Variants in SGCZ observed in about 807,000 individuals in gnomAD.
SGCZ encodes the protein zeta-sarcoglycan.
Under a neutral mutation model 41.3 loss-of-function variants are expected in SGCZ, and 40 were observed. That is an observed-to-expected ratio of 0.97 (90% CI 0.75 to 1.26). The LOEUF is 1.26. Among genes scored for constraint, SGCZ ranks in the 50% most tolerant of loss-of-function variants. The probability of loss-of-function intolerance (pLI) is 0.00; values close to 1 mark genes in which losing one functional copy is unlikely to be tolerated. For synonymous variants in SGCZ, 206 were observed against 137.5 expected (o/e 1.50, Z -3.49); for missense variants, 552 against 369.8 (o/e 1.49, Z -4.04).
chr8:14,891,674 G>C (rs1396957888), intron 1 of SGCZ, among the ~76,000 whole-genome samples: 4 of 152,182 alleles, frequency 2.6e-5, no homozygotes, highest in Non-Finnish European at 5.9e-5. Flanking sequence ...TTTAAAAGAA[G>C]TTCTACTGTG....
At chr8:14,923,310 T>G (rs1799645985) in intron 1 of SGCZ, among the ~76,000 whole-genome samples, 1 of 152,114 alleles carries the variant, frequency 6.6e-6, no homozygotes, top group Non-Finnish European at 1.5e-5. Flanking sequence ...AGATGGAAAT[T>G]TTTTCCATTG....
intron 1 of SGCZ, among the ~76,000 whole-genome samples, chr8:14,681,762 A>G (rs1265348941): frequency 6.6e-6 from 1 of 152,138 alleles, no homozygotes; most frequent in Admixed American, 6.6e-5. Flanking sequence ...GTGAATGAAT[A>G]TCTTAGAGAG....
intron 1 of SGCZ, among the ~76,000 whole-genome samples, chr8:14,659,957 C>T (rs980351841): frequency 4.6e-5 from 7 of 152,100 alleles, no homozygotes; most frequent in Admixed American, 3.9e-4. Flanking sequence ...GGCATGTGAA[C>T]ATGAAGGCAG....
At chr8:14,854,303 A>G (rs1204355882) in intron 1 of SGCZ, among the ~76,000 whole-genome samples, 2 of 151,644 alleles carry the variant, frequency 1.3e-5, no homozygotes, top group East Asian at 1.9e-4. Context: ...TTTCATTCGC[A>G]ATTCACAAAA....
intron 1 of SGCZ, among the ~76,000 whole-genome samples, chr8:14,840,754 A>T (rs986469332): frequency 2.0e-5 from 3 of 152,122 alleles, no homozygotes; most frequent in Non-Finnish European, 4.4e-5. Flanking sequence ...AGTTTTACCT[A>T]AAAAAGAAGG....
chr8:15,022,630 T>C (rs996369666), intron 1 of SGCZ, among the ~76,000 whole-genome samples: 1 of 152,134 alleles, frequency 6.6e-6, no homozygotes, highest in Non-Finnish European at 1.5e-5. Flanking sequence ...GCGTGAACCA[T>C]CGTGCCTGGC....
intron 1 of SGCZ, among the ~76,000 whole-genome samples, chr8:14,713,382 G>A (rs1219308414): frequency 6.6e-6 from 1 of 152,012 alleles, no homozygotes; most frequent in Middle Eastern, 3.2e-3. Flanking sequence ...CACCATTATT[G>A]TAATTTAAGG....
At chr8:14,255,795 G>A (rs768015572) in intron 3 of SGCZ, among the ~76,000 whole-genome samples, 4 of 151,994 alleles carry the variant, frequency 2.6e-5, no homozygotes, top group Non-Finnish European at 5.9e-5. Flanking sequence ...TAGAAATAAA[G>A]AGATTTGGCA....
chr8:14,179,623 C>T (rs116512355), intron 4 of SGCZ, among the ~76,000 whole-genome samples: 1,844 of 152,108 alleles, frequency 0.012, 35 homozygotes, highest in African/African-American at 0.041. Flanking sequence ...TCATGGATGG[C>T]GTAAAAGACA....
intron 1 of SGCZ, among the ~76,000 whole-genome samples, chr8:14,826,347 G>T (rs1802315323): frequency 6.6e-6 from 1 of 152,016 alleles, no homozygotes; most frequent in African/African-American, 2.4e-5. Flanking sequence ...TGGACATTTG[G>T]CTTGGTTCCA....
intron 1 of SGCZ, among the ~76,000 whole-genome samples, chr8:14,935,722 G>A (rs1050195368): frequency 2.0e-5 from 3 of 151,646 alleles, no homozygotes; most frequent in African/African-American, 7.2e-5. Context: ...CAAGAATAAA[G>A]TAACTTTTAA....
intron 1 of SGCZ, among the ~76,000 whole-genome samples, chr8:14,669,717 CACACACACACACACAAT>C (rs1808041713): frequency 6.6e-6 from 1 of 151,942 alleles, no homozygotes; most frequent in Non-Finnish European, 1.5e-5. Flanking sequence ...CACACACACA[CACACACACACACACAAT>C]ATTTTGTTCA....
intron 2 of SGCZ, among the ~76,000 whole-genome samples, chr8:14,375,067 A>T (rs1216747805): frequency 6.6e-6 from 1 of 152,152 alleles, no homozygotes; most frequent in Non-Finnish European, 1.5e-5. Flanking sequence ...AGAAGAGCTG[A>T]GGGAATTGAG....
chr8:14,418,706 T>A (rs913165150), intron 2 of SGCZ, among the ~76,000 whole-genome samples: 2 of 151,996 alleles, frequency 1.3e-5, no homozygotes, highest in African/African-American at 4.8e-5. Flanking sequence ...ACAATCAATT[T>A]ATATTTTATA....
At chr8:14,334,029 C>A (rs369911048) in intron 2 of SGCZ, among the ~76,000 whole-genome samples, 7 of 151,974 alleles carry the variant, frequency 4.6e-5, no homozygotes, top group African/African-American at 7.2e-5. Context: ...AAAAAATGAG[C>A]CAGGGAGGTA....
chr8:14,467,712 T>C (rs551067816), intron 2 of SGCZ, among the ~76,000 whole-genome samples: 11 of 152,200 alleles, frequency 7.2e-5, no homozygotes, highest in Non-Finnish European at 1.5e-4. Flanking sequence ...TTTCGGTCCT[T>C]CCTACACTTC....
At chr8:14,555,896 T>A (rs190065655) in intron 1 of SGCZ, among the ~76,000 whole-genome samples, 2 of 152,156 alleles carry the variant, frequency 1.3e-5, no homozygotes, top group East Asian at 3.9e-4. Flanking sequence ...TTAGTTGTAT[T>A]TCAATGAGTT....
Position 14,922,515 on chromosome 8 carries a change from C to A in SGCZ, c.39+315070G>T, listed in dbSNP as rs144820232. Among the ~76,000 whole-genome samples the A allele has an allele frequency of 7.2e-5, 11 of 151,980 alleles. No homozygotes were observed. In the East Asian group the frequency reaches 2.1e-3, roughly 29 times the overall value. On this transcript the variant is annotated intron_variant, in intron 1 of 7. Transcript: ENST00000382080. ...TGTTGCCCAGGCTGGAGTGCAATGG[C>A]GCGATTTCGGCTCACCACAACCTCT...
At chr8:14,326,481 G>C (rs1208410533) in intron 2 of SGCZ, among the ~76,000 whole-genome samples, 1 of 152,148 alleles carries the variant, frequency 6.6e-6, no homozygotes, top group Non-Finnish European at 1.5e-5. Context: ...AAAGGATAAT[G>C]ACCACAGAGT....
Sources: allele counts gnomAD v4.1 joint callset (sites outside exome capture counted in the v4.1 genomes callset), GRCh38; gene constraint gnomAD v4.1.1; transcripts MANE v1.5; gene names NCBI Gene and HGNC (gene_info 2026-07-23, HGNC 2026-07-21).